Variants in TMEM183A observed in about 807,000 individuals in gnomAD.
The protein encoded by TMEM183A is transmembrane protein 183A.
A neutral mutation model predicts 46.7 loss-of-function variants in TMEM183A; 21 were observed. That is an observed-to-expected ratio of 0.45 (90% CI 0.32 to 0.65). TMEM183A has a LOEUF of 0.65. Among genes scored for constraint, TMEM183A ranks in the 30% least tolerant of loss-of-function variants. TMEM183A has a pLI of 0.04. For synonymous variants in TMEM183A, 165 were observed against 180.2 expected (o/e 0.92, Z 0.68); for missense variants, 331 against 481.9 (o/e 0.69, Z 2.93).
rs1432539358 is a variant in TMEM183A at position 203,024,363 on chromosome 1, C to G, written c.*1323C>G. ...CTTGCTGCTTGTCTCTCCTCCCACC[C>G]TCCACCATCCAAAATTAACCAGTGA... On this transcript the variant is annotated 3_prime_UTR_variant, in exon 8 of 8. Coordinates refer to ENST00000367242, the MANE Select transcript of TMEM183A (RefSeq NM_138391.6). 1.3e-5 allele frequency: 2 copies of G among 152,204 alleles called. No individual in the cohort carries two copies. The highest frequency in any genetic ancestry group is 2.9e-5 in the Non-Finnish European group (2 of 68,036). The allele number at this position is 152,204 out of a possible 1,614,324, so 9.4% of individuals were successfully genotyped here. A position where few individuals can be genotyped will look rare whatever the true frequency, so the allele number is the denominator to read the frequency against.
intron 4 of TMEM183A, 144 bp downstream of exon 4, chr1:203,015,192 C>G: frequency 2.6e-6 from 3 of 1,154,604 alleles, no homozygotes; most frequent in Non-Finnish European, 3.6e-6. Flanking sequence ...CTCCTTGAGC[C>G]CCTCTCTAAT....
intron 7 of TMEM183A, 137 bp from the exon 8 acceptor site, chr1:203,022,718 A>AAAG: frequency 2.9e-6 from 3 of 1,017,882 alleles, no homozygotes; most frequent in Non-Finnish European, 2.9e-6. Flanking sequence ...AAAAAAAAAA[A>AAAG]GGTGTTTGTT....
At chr1:203,009,018 A>G (rs1304470065) in intron 3 of TMEM183A, among the ~76,000 whole-genome samples, 1 of 152,174 alleles carries the variant, frequency 6.6e-6, no homozygotes, top group Non-Finnish European at 1.5e-5. Flanking sequence ...CGAGAGGGAA[A>G]GAGATTAGTA....
chr1:203,016,157 G>C lies in TMEM183A; in HGVS notation c.708+17G>C, dbSNP rs776958564. 1 of 1,614,050 alleles carries C rather than the reference G, an allele frequency of 6.2e-7. No individual in the cohort carries two copies. ...AATTCCAAAGTAAGTGAGAATTTGT[G>C]TTGGGGTTTGACTAATGAACTCTTG... On this transcript the variant is annotated intron_variant, in intron 5 of 7. Coordinates refer to ENST00000367242, the MANE Select transcript of TMEM183A (RefSeq NM_138391.6).
intron 1 of TMEM183A, 44 bp downstream of exon 1, chr1:203,007,618 C>A: frequency 6.5e-7 from 1 of 1,528,350 alleles, no homozygotes; most frequent in African/African-American, 1.4e-5. Context: ...TGGGGGCTGG[C>A]GGCTGGGAGG....
chr1:203,012,503 T>C (rs997023548), intron 3 of TMEM183A, among the ~76,000 whole-genome samples: 5 of 152,214 alleles, frequency 3.3e-5, no homozygotes, highest in Admixed American at 1.3e-4. Context: ...TCTTAACCTA[T>C]GCCTATCAAA....
Position 203,023,736 on chromosome 1 carries a change from T to C in TMEM183A, c.*696T>C, listed in dbSNP as rs1285978602. The C allele has an allele frequency of 6.6e-6, 1 of 152,494 alleles. No homozygotes were observed. Among genetic ancestry groups the C allele is most frequent in the Non-Finnish European group, 1.5e-5 (1 of 68,042 alleles). 9.4% of individuals were successfully genotyped at this position (152,494 alleles called of 1,614,324 possible). A position where few individuals can be genotyped will look rare whatever the true frequency, so the allele number is the denominator to read the frequency against. The stretch of plus-strand genomic sequence containing the variant: ...TCACAGTCTTGCAAAGTAGGTGATA[T>C]TATTCCCATTTTATAGTTGAGAAAA... On this transcript the variant is annotated 3_prime_UTR_variant, in exon 8 of 8. Transcript: ENST00000367242.
intron 3 of TMEM183A, among the ~76,000 whole-genome samples, chr1:203,012,532 G>T (rs577038887): frequency 6.6e-6 from 1 of 152,158 alleles, no homozygotes; most frequent in Non-Finnish European, 1.5e-5. Flanking sequence ...TGTCCTTCAT[G>T]ATTTATCTCC....
chr1:203,010,130 C>T lies in TMEM183A; in HGVS notation c.367+1320C>T, dbSNP rs555240511. 1.3e-4 allele frequency among the ~76,000 whole-genome samples: 17 copies of T among 130,072 alleles called. No individual in the cohort carries two copies. In the South Asian group the frequency reaches 4.3e-3, roughly 33 times the overall value. 85.3% of individuals were successfully genotyped at this position (130,072 alleles called of 152,430 possible). On this transcript the variant is annotated intron_variant, in intron 3 of 7. Coordinates refer to ENST00000367242, the MANE Select transcript of TMEM183A (RefSeq NM_138391.6). Reference sequence around the variant, plus strand: ...TCTCCAGCCTGGTGACAGAGCAAGACTCTGTCTCAAAAAAAAAAAGAAAAA... The same window carrying T: ...TCTCCAGCCTGGTGACAGAGCAAGATTCTGTCTCAAAAAAAAAAAGAAAAA...
chr1:203,018,823 G>A (rs1270015401), intron 6 of TMEM183A, among the ~76,000 whole-genome samples: 1 of 152,198 alleles, frequency 6.6e-6, no homozygotes, highest in Admixed American at 6.5e-5. Context: ...GGAACACTTT[G>A]TCCTCACATG....
rs535697247 is a variant in TMEM183A, at chr1:203,007,471, C to A, written c.6C>A (p.Ala2=). 1 of 1,457,176 alleles carries A rather than the reference C, an allele frequency of 6.9e-7. No homozygotes were observed. The highest frequency in any genetic ancestry group is 9.1e-7 in the Non-Finnish European group (1 of 1,101,288). The allele number at this position is 1,457,176 out of a possible 1,614,324, so 90.3% of individuals were successfully genotyped here. A position where few individuals can be genotyped will look rare whatever the true frequency, so the allele number is the denominator to read the frequency against. Residue 2 remains alanine, a synonymous_variant, in exon 1 of 8, where the codon GCC becomes GCA. Coordinates refer to ENST00000367242, the MANE Select transcript of TMEM183A (RefSeq NM_138391.6). ...CCGGCTCTCCGGCCGGAGACATGGC[C>A]CGGGGGCCCGGCCCGCTAGGCAGGC... The part of the protein sequence containing the change: M[A]RGPGPLGRPR...
chr1:203,020,794 C>G lies in TMEM183A; in HGVS notation c.791C>G (p.Ser264Cys), dbSNP rs760459810. The G allele has an allele frequency of 6.2e-7, 1 of 1,613,666 alleles. No homozygotes were observed. The highest frequency in any genetic ancestry group is 1.7e-5 in the Admixed American group (1 of 59,978). ...WEFNFKFKKQ[S>C]PRLKSKCTGG... ...GGATTAATTCTCAGTTCTCTTCAGT[C>G]CCCTAGGTTAAAGAGCAAGTGTACA... Residue 264 changes from serine to cysteine, a missense_variant and splice_region_variant, in exon 7 of 8, where the codon TCC becomes TGC. This residue lies in a region of TMEM183A where 233 missense variants were observed against 385.8 expected (regional missense o/e 0.60). Coordinates refer to ENST00000367242, the MANE Select transcript of TMEM183A (RefSeq NM_138391.6).
rs764143374 is a variant in TMEM183A at position 203,014,971 on chromosome 1, T to G, written c.450T>G (p.Ile150Met). 1.2e-6 allele frequency: 2 copies of G among 1,613,940 alleles called. No individual in the cohort carries two copies. The highest frequency in any genetic ancestry group is 1.7e-6 in the Non-Finnish European group (2 of 1,179,890). Residue 150 changes from isoleucine (I) to methionine (M), a missense_variant, in exon 4 of 8, where the codon ATT (isoleucine) becomes ATG (methionine). By Grantham distance (10) the Ile-to-Met change is conservative (BLOSUM62 1). This residue lies in a region of TMEM183A where 233 missense variants were observed against 385.8 expected (regional missense o/e 0.60). Transcript: ENST00000367242. ...LLASYIRPED[I>M]VNFSLICKNA... is the part of the protein sequence containing the mutation. ...CCTCCTATATCCGTCCTGAGGACAT[T>G]GTGAATTTTTCCCTGATTTGTAAGA...
In TMEM183A at chr1:203,018,622, T is replaced by G. The variant is rs372618187; in HGVS notation, c.789+61T>G. On this transcript the variant is annotated intron_variant, in intron 6 of 7. Transcript: ENST00000367242. ...TTGTTCTAAGAGATTTCCCTAGATA[T>G]CTTTCTTAGTCTGTTTGTGTTGCTA... The G allele has an allele frequency of 2.2e-3, 3,467 of 1,549,360 alleles. 6 individuals are homozygous for G. The highest frequency in any genetic ancestry group is 2.7e-3 in the Non-Finnish European group (3,110 of 1,131,078).
In TMEM183A at chr1:203,007,414, A is replaced by G; in HGVS notation, c.-52A>G. On this transcript the variant is annotated 5_prime_UTR_variant, in exon 1 of 8. Coordinates refer to ENST00000367242, the MANE Select transcript of TMEM183A (RefSeq NM_138391.6). ...GGCCTCCGGTGTGGGATGGCCGCGG[A>G]GCCGGGCGGAGCTGGCTTGCGGCTC... The G allele has an allele frequency of 7.4e-7, 1 of 1,348,730 alleles. No homozygotes were observed. The highest frequency in any genetic ancestry group is 9.5e-7 in the Non-Finnish European group (1 of 1,049,266). 83.5% of individuals were successfully genotyped at this position (1,348,730 alleles called of 1,614,324 possible).
chr1:203,017,037 A>G (rs59850833), intron 5 of TMEM183A, among the ~76,000 whole-genome samples: 2,662 of 152,258 alleles, frequency 0.017, 75 homozygotes, highest in African/African-American at 0.062. Flanking sequence ...TACCTAATAC[A>G]TATTAATTAA....
intron 7 of TMEM183A, among the ~76,000 whole-genome samples, chr1:203,021,510 A>G (rs1225467541): frequency 1.3e-5 from 2 of 152,216 alleles, no homozygotes; most frequent in Non-Finnish European, 2.9e-5. Flanking sequence ...CTTTGTAGGA[A>G]AGGGAATGTT....
Position 203,007,430 on chromosome 1 carries a change from C to T in TMEM183A, c.-36C>T. The T allele has an allele frequency of 7.2e-7, 1 of 1,397,052 alleles. No homozygotes were observed. Among genetic ancestry groups the T allele is most frequent in the Non-Finnish European group, 9.3e-7 (1 of 1,074,524 alleles). 86.5% of individuals were successfully genotyped at this position (1,397,052 alleles called of 1,614,324 possible). A position where few individuals can be genotyped will look rare whatever the true frequency, so the allele number is the denominator to read the frequency against. On this transcript the variant is annotated 5_prime_UTR_variant, in exon 1 of 8. Transcript: ENST00000367242. ...TGGCCGCGGAGCCGGGCGGAGCTGG[C>T]TTGCGGCTCCCGGGGCCGGCTCTCC...
rs111906628 is a variant in TMEM183A, at chr1:203,024,480, A to ATTTTTTTTTTTTTT, written c.*1445_*1446insTTTTTTTTTTTTTT. 1 of 143,278 alleles carries ATTTTTTTTTTTTTT rather than the reference A, an allele frequency of 7.0e-6. No individual in the cohort carries two copies. 8.9% of individuals were successfully genotyped at this position (143,278 alleles called of 1,614,324 possible). A position where few individuals can be genotyped will look rare whatever the true frequency, so the allele number is the denominator to read the frequency against. On this transcript the variant is annotated 3_prime_UTR_variant, in exon 8 of 8. Coordinates refer to ENST00000367242, the MANE Select transcript of TMEM183A (RefSeq NM_138391.6). ...TTGTGAGGCAAACTGCTAAATTCAC[A>ATTTTTTTTTTTTTT]TTTTTGTTTTTTTTTTTTTACCATC...
Sources: allele counts gnomAD v4.1 joint callset (sites outside exome capture counted in the v4.1 genomes callset), GRCh38; gene constraint gnomAD v4.1.1; regional missense constraint gnomAD v4.1.1; transcripts MANE v1.5; gene names NCBI Gene and HGNC (gene_info 2026-07-23, HGNC 2026-07-21).